PGM5: variants seen among roughly 807,000 people sequenced by gnomAD.
The protein encoded by PGM5 is phosphoglucomutase-like protein 5.
In PGM5, 23 loss-of-function variants were observed where a neutral mutation model predicts 59.2. The observed-to-expected ratio is 0.39, with a 90% CI of 0.28 to 0.55. The LOEUF is 0.55. Ranked by LOEUF, PGM5 falls within the 20% of genes least tolerant of loss-of-function variation. PGM5 has a pLI of 0.66. For missense variants in PGM5, 574 were observed against 748.3 expected, an observed-to-expected ratio of 0.77 and a Z score of 2.72; for synonymous variants, 214 against 286.0, an observed-to-expected ratio of 0.75 and a Z score of 2.54.
chr9:68,449,618 C>T (rs1476569300), intron 6 of PGM5, among the ~76,000 whole-genome samples: 1 of 152,102 alleles, frequency 6.6e-6, no homozygotes, highest in African/African-American at 2.4e-5. Context: ...TATCATGTGT[C>T]GCAACTGCCC....
At chr9:68,509,867 G>T (rs1824719054) in intron 10 of PGM5, among the ~76,000 whole-genome samples, 1 of 152,102 alleles carries the variant, frequency 6.6e-6, no homozygotes, top group South Asian at 2.1e-4. Context: ...GGAAGTGTTT[G>T]GTTTGCATCT....
intron 6 of PGM5, among the ~76,000 whole-genome samples, chr9:68,403,685 A>G (rs1286543004): frequency 6.6e-6 from 1 of 152,178 alleles, no homozygotes; most frequent in Non-Finnish European, 1.5e-5. Context: ...ATCTGGCTCA[A>G]GCCTCATAAT....
chr9:68,438,654 T>C (rs892496873), intron 6 of PGM5, among the ~76,000 whole-genome samples: 1 of 152,222 alleles, frequency 6.6e-6, no homozygotes, highest in Non-Finnish European at 1.5e-5. Flanking sequence ...GTAGATAGAT[T>C]GGAGAAGACC....
intron 3 of PGM5, 49 bp downstream of exon 3, chr9:68,384,593 G>A (rs1273557505): frequency 2.7e-5 from 34 of 1,272,556 alleles, no homozygotes; most frequent in Non-Finnish European, 3.6e-5. Context: ...TGTGGATGGG[G>A]CTGACTGGTT....
chr9:68,471,493 G>T (rs1554686212), intron 7 of PGM5, among the ~76,000 whole-genome samples: 1 of 151,896 alleles, frequency 6.6e-6, no homozygotes, highest in African/African-American at 2.4e-5. Flanking sequence ...TGTATGACCT[G>T]TCAAGAAACA....
At chr9:68,446,096 G>C (rs775229275) in intron 6 of PGM5, among the ~76,000 whole-genome samples, 1 of 152,174 alleles carries the variant, frequency 6.6e-6, no homozygotes, top group Admixed American at 6.5e-5. Context: ...GAAGAGATTG[G>C]TCATTTGGCC....
At chr9:68,404,199 T>C (rs11141451) in intron 6 of PGM5, among the ~76,000 whole-genome samples, 49,981 of 152,050 alleles carry the variant, frequency 0.33, 8,270 homozygotes, top group Middle Eastern at 0.39. Context: ...CAGTCTCGGC[T>C]CACTGCAACC....
chr9:68,438,286 CAAAAAAAAAAA>C (rs34047393), intron 6 of PGM5, among the ~76,000 whole-genome samples: 7 of 34,830 alleles, frequency 2.0e-4, no homozygotes, highest in Admixed American at 3.3e-4. Context: ...GAGACTCTGT[CAAAAAAAAAAA>C]AAAAAAAAAA....
chr9:68,378,064 C>A (rs1821968404), intron 1 of PGM5, 135 bp from the exon 2 acceptor site: 5 of 819,622 alleles, frequency 6.1e-6, no homozygotes, highest in Middle Eastern at 4.0e-4. Flanking sequence ...CCTACCCTGC[C>A]TCCCCTAATC....
At chr9:68,371,236 G>A (rs1821719369) in intron 1 of PGM5, among the ~76,000 whole-genome samples, 1 of 152,354 alleles carries the variant, frequency 6.6e-6, no homozygotes, top group South Asian at 2.1e-4. Context: ...TCAGCGGGGA[G>A]CAACAGAATG....
At chr9:68,432,349 C>T (rs1823364661) in intron 6 of PGM5, among the ~76,000 whole-genome samples, 3 of 151,376 alleles carry the variant, frequency 2.0e-5, no homozygotes, top group Non-Finnish European at 4.4e-5. Context: ...CACAGGCAAG[C>T]GCCACCACAC....
chr9:68,444,253 C>T (rs1319813342), intron 6 of PGM5, among the ~76,000 whole-genome samples: 1 of 152,086 alleles, frequency 6.6e-6, no homozygotes, highest in Admixed American at 6.6e-5. Flanking sequence ...CATCCCCACC[C>T]ATCCAACTGC....
chr9:68,447,599 G>C (rs1554684086), intron 6 of PGM5, among the ~76,000 whole-genome samples: 1 of 152,172 alleles, frequency 6.6e-6, no homozygotes, highest in African/African-American at 2.4e-5. Flanking sequence ...AGTAAATGCT[G>C]AAATGTTAGC....
At chr9:68,400,075 T>C (rs1198985469) in intron 6 of PGM5, among the ~76,000 whole-genome samples, 1 of 152,172 alleles carries the variant, frequency 6.6e-6, no homozygotes, top group Non-Finnish European at 1.5e-5. Context: ...GCTTGGACTA[T>C]TGTAATAGTC....
At chr9:68,373,223 C>A (rs554887324) in intron 1 of PGM5, among the ~76,000 whole-genome samples, 5 of 143,998 alleles carry the variant, frequency 3.5e-5, no homozygotes, top group African/African-American at 1.3e-4. Flanking sequence ...CTTAGAAGCC[C>A]CATCACCCTC....
chr9:68,524,286 C>T (rs1364253823), intron 10 of PGM5, among the ~76,000 whole-genome samples: 1 of 152,088 alleles, frequency 6.6e-6, no homozygotes, highest in Non-Finnish European at 1.5e-5. Flanking sequence ...AGTGTCAAAA[C>T]TTTAAATAGA....
At position 68,395,056 on chromosome 9, in the gene PGM5, T is replaced by C. The variant is rs185043792; in HGVS notation, c.1043+2583T>C. The stretch of plus-strand genomic sequence containing the variant: ...TTTGTCAACTACAAGAAATTTTTGC[T>C]TCCTCCAAGGTCAGAGAGATATTTT... On this transcript the variant is annotated intron_variant, in intron 6 of 10. Coordinates refer to ENST00000396396, the MANE Select transcript of PGM5 (RefSeq NM_021965.4). Among the ~76,000 whole-genome samples, 1,026 of 152,290 alleles carry C rather than the reference T, an allele frequency of 6.7e-3. 10 individuals are homozygous for C. The highest frequency in any genetic ancestry group is 0.023 in the African/African-American group (969 of 41,566).
chr9:68,381,323 A>C (rs1237768849), intron 2 of PGM5, among the ~76,000 whole-genome samples: 14 of 68,824 alleles, frequency 2.0e-4, no homozygotes, highest in African/African-American at 8.0e-4. Flanking sequence ...AAAGTTCAGC[A>C]TTCTTTCTTA....
At chr9:68,402,145 T>C (rs1327116864) in intron 6 of PGM5, among the ~76,000 whole-genome samples, 1 of 152,028 alleles carries the variant, frequency 6.6e-6, no homozygotes, top group East Asian at 1.9e-4. Flanking sequence ...AGGCTTGTAA[T>C]CCCAGCTACT....
Sources: gnomAD v4.1 joint callset for allele counts (sites outside exome capture counted in the v4.1 genomes callset) on GRCh38, gnomAD v4.1.1 for gene constraint, MANE v1.5 for transcripts, NCBI Gene and HGNC (gene_info 2026-07-23, HGNC 2026-07-21) for gene names.